DRD3: variants seen among roughly 807,000 people sequenced by gnomAD.
DRD3 encodes the protein dopamine receptor D3, also known as D(3) dopamine receptor.
In DRD3, 19 loss-of-function variants were observed where a neutral mutation model predicts 36.3. The observed-to-expected ratio is 0.52, with a 90% CI of 0.36 to 0.77. The LOEUF is 0.77. Ranked by LOEUF, DRD3 falls within the 30% of genes least tolerant of loss-of-function variation. DRD3 has a pLI of 0.00. For missense variants in DRD3, 465 were observed against 505.3 expected, an observed-to-expected ratio of 0.92 and a Z score of 0.77; for synonymous variants, 195 against 203.7, an observed-to-expected ratio of 0.96 and a Z score of 0.36.
intron 1 of DRD3, among the ~76,000 whole-genome samples, chr3:114,185,598 C>T (rs2077970863): frequency 6.6e-6 from 1 of 151,574 alleles, no homozygotes; most frequent in Admixed American, 6.6e-5. Flanking sequence ...CACTGAGACT[C>T]TTTCAGGAAT....
At chr3:114,128,946 G>A (rs2077402327) in intron 6 of DRD3, 34 bp from the exon 7 acceptor site, 1 of 1,521,710 alleles carries the variant, frequency 6.6e-7, no homozygotes, top group South Asian at 1.3e-5. Context: ...ACTGGGTAAG[G>A]GATTTGCTTA....
intron 1 of DRD3, among the ~76,000 whole-genome samples, chr3:114,186,459 G>A (rs1330529900): frequency 6.6e-6 from 1 of 152,192 alleles, no homozygotes; most frequent in Non-Finnish European, 1.5e-5. Flanking sequence ...CAGCCAGACA[G>A]GGAGGGGCTT....
At chr3:114,190,917 G>C (rs1560006488) in intron 1 of DRD3, among the ~76,000 whole-genome samples, 1 of 152,100 alleles carries the variant, frequency 6.6e-6, no homozygotes, top group Non-Finnish European at 1.5e-5. Flanking sequence ...GAGTAGAAAA[G>C]GAAGACTCTC....
chr3:114,134,202 T>C (rs1400874920), intron 5 of DRD3, among the ~76,000 whole-genome samples: 2 of 152,188 alleles, frequency 1.3e-5, no homozygotes, highest in South Asian at 4.1e-4. Context: ...TGGCACATTG[T>C]ACATACTCAG....
intron 1 of DRD3, among the ~76,000 whole-genome samples, chr3:114,190,349 C>T (rs2077997597): frequency 7.2e-6 from 1 of 138,868 alleles, no homozygotes; most frequent in African/African-American, 2.6e-5. Context: ...TGAATGTTAT[C>T]CCAATCCATG....
At chr3:114,132,357 G>T (rs1311940933) in intron 5 of DRD3, among the ~76,000 whole-genome samples, 1 of 152,124 alleles carries the variant, frequency 6.6e-6, no homozygotes, top group Non-Finnish European at 1.5e-5. Flanking sequence ...GCTGAACGGT[G>T]AGAACACATG....
In DRD3 at chr3:114,131,099, C is replaced by A; in HGVS notation, c.1006+19G>T. ...CAACCTAACCCAACCCAACACAGCTCAAGCCAACCCAAACTTACCAAGCAC... is the reference window on the plus strand; with the variant it reads ...CAACCTAACCCAACCCAACACAGCTAAAGCCAACCCAAACTTACCAAGCAC... On this transcript the variant is annotated intron_variant, in intron 6 of 6. Coordinates refer to ENST00000383673, the MANE Select transcript of DRD3 (RefSeq NM_000796.6). The A allele has an allele frequency of 6.2e-7, 1 of 1,608,970 alleles. No homozygotes were observed. Among genetic ancestry groups the A allele is most frequent in the South Asian group, 1.1e-5 (1 of 90,606 alleles).
chr3:114,181,871 A>G (rs756575294), upstream of DRD3, among the ~76,000 whole-genome samples: 13 of 152,236 alleles, frequency 8.5e-5, no homozygotes, highest in Admixed American at 3.9e-4. Flanking sequence ...AGCACCGACC[A>G]TTGAGTACAC....
At chr3:114,138,229 T>C (rs1053915360) in intron 5 of DRD3, among the ~76,000 whole-genome samples, 1 of 150,902 alleles carries the variant, frequency 6.6e-6, no homozygotes, top group African/African-American at 2.4e-5. Flanking sequence ...GACACCCAAA[T>C]TGGATCTGTC....
At position 114,131,416 on chromosome 3, in the gene DRD3, G is replaced by A; in HGVS notation, c.724-16C>T. 1 of 1,602,164 alleles carries A rather than the reference G, an allele frequency of 6.2e-7. No homozygotes were observed. Among genetic ancestry groups the A allele is most frequent in the African/African-American group, 1.3e-5 (1 of 74,564 alleles). On this transcript the variant is annotated splice_polypyrimidine_tract_variant and intron_variant, in intron 5 of 6. Coordinates refer to ENST00000383673, the MANE Select transcript of DRD3 (RefSeq NM_000796.6). ...GAGAGAGGGTCTGCAGGTGTGACAAGAGGGAATCTTGACATTTCTGGGGGT... is the reference window on the plus strand; with the variant it reads ...GAGAGAGGGTCTGCAGGTGTGACAAAAGGGAATCTTGACATTTCTGGGGGT...
chr3:114,169,284 G>A (rs2077816443), intron 2 of DRD3, among the ~76,000 whole-genome samples: 1 of 150,784 alleles, frequency 6.6e-6, no homozygotes. Context: ...GTAAGATGGA[G>A]AGACTTGGTC....
chr3:114,156,751 CTTTCTTTCT>C (rs1559990934), intron 3 of DRD3, among the ~76,000 whole-genome samples: 4 of 98,930 alleles, frequency 4.0e-5, no homozygotes, highest in Non-Finnish European at 8.7e-5. Context: ...CTTTTTCTTT[CTTTCTTTCT>C]TTCTTTCTTT....
chr3:114,191,148 A>G (rs2078008957), intron 1 of DRD3, among the ~76,000 whole-genome samples: 1 of 152,232 alleles, frequency 6.6e-6, no homozygotes. Flanking sequence ...CAGTGAATAA[A>G]CATGACCGAT....
intron 3 of DRD3, among the ~76,000 whole-genome samples, chr3:114,152,551 C>A (rs1441187447): frequency 6.6e-6 from 1 of 152,136 alleles, no homozygotes; most frequent in Non-Finnish European, 1.5e-5. Flanking sequence ...TAAATGAGGC[C>A]CCCGCTTGTC....
chr3:114,144,222 C>A (rs2077551582), intron 4 of DRD3, among the ~76,000 whole-genome samples: 3 of 152,238 alleles, frequency 2.0e-5, no homozygotes, highest in African/African-American at 7.2e-5. Context: ...TTTTCTGTAT[C>A]TTATGTTCTC....
Position 114,159,976 on chromosome 3 carries a change from C to A in DRD3, c.271-109G>T, listed in dbSNP as rs550566777. The A allele has an allele frequency of 1.5e-5, 13 of 872,964 alleles. No individual in the cohort carries two copies. The African/African-American group carries it at 2.0e-4, about 13-fold the overall frequency. 54.1% of individuals were successfully genotyped at this position (872,964 alleles called of 1,614,324 possible). On this transcript the variant is annotated intron_variant, in intron 2 of 6. Transcript: ENST00000383673. ...CCTAGTGTAGATGTTGGCACTCCTACTCCCTGTGTACCGTTGTTCCCACAG... is the reference window on the plus strand; with the variant it reads ...CCTAGTGTAGATGTTGGCACTCCTAATCCCTGTGTACCGTTGTTCCCACAG...
intron 2 of DRD3, among the ~76,000 whole-genome samples, chr3:114,171,083 G>T (rs938883553): frequency 1.3e-5 from 2 of 152,146 alleles, no homozygotes; most frequent in Non-Finnish European, 2.9e-5. Context: ...ACCAGGATCT[G>T]CTGCACTATC....
chr3:114,152,250 C>A (rs2077624944), intron 3 of DRD3, among the ~76,000 whole-genome samples: 1 of 152,126 alleles, frequency 6.6e-6, no homozygotes, highest in African/African-American at 2.4e-5. Context: ...TCTCTCGAAT[C>A]CCCCTCCTTG....
At chr3:114,192,259 T>G (rs1360774052) in intron 1 of DRD3, among the ~76,000 whole-genome samples, 1 of 152,106 alleles carries the variant, frequency 6.6e-6, no homozygotes, top group African/African-American at 2.4e-5. Context: ...GCTATGAAAA[T>G]TATTGTTTTG....
Sources: gnomAD v4.1 joint callset for allele counts (sites outside exome capture counted in the v4.1 genomes callset) on GRCh38, gnomAD v4.1.1 for gene constraint, MANE v1.5 for transcripts, NCBI Gene and HGNC (gene_info 2026-07-23, HGNC 2026-07-21) for gene names.